The following GNA13 variants were observed in gnomAD, a reference collection of about 807,000 sequenced individuals.
GNA13 encodes guanine nucleotide-binding protein subunit alpha-13.
In GNA13, 4 loss-of-function variants were observed where a neutral mutation model predicts 33.5. That is an observed-to-expected ratio of 0.12 (90% CI 0.06 to 0.27). The LOEUF is 0.27. Ranked by LOEUF, GNA13 falls within the 10% of genes least tolerant of loss-of-function variation. The pLI is 1.00. For synonymous variants in GNA13, 176 were observed against 183.8 expected (o/e 0.96, Z 0.34); for missense variants, 319 against 487.2 (o/e 0.65, Z 3.25).
At chr17:65,027,533 T>C (rs775934974) in intron 2 of GNA13, among the ~76,000 whole-genome samples, 21 of 152,222 alleles carry the variant, frequency 1.4e-4, no homozygotes, top group Non-Finnish European at 2.5e-4. Flanking sequence ...TGAGTCATTT[T>C]CTACCTCATA....
chr17:65,013,251 C>T lies in GNA13; in HGVS notation c.*1006G>A, dbSNP rs914407078. The T allele has an allele frequency of 7.7e-5, 16 of 209,094 alleles. No individual in the cohort carries two copies. Among genetic ancestry groups the T allele is most frequent in the African/African-American group, 2.9e-4 (13 of 44,100 alleles). 13.0% of individuals were successfully genotyped at this position (209,094 alleles called of 1,614,324 possible). A position where few individuals can be genotyped will look rare whatever the true frequency, so the allele number is the denominator to read the frequency against. On this transcript the variant is annotated 3_prime_UTR_variant, in exon 4 of 4. Transcript: ENST00000439174. Reference sequence around the variant, plus strand: ...ACTCCAAATAAACAAAACGATGCCACAAATGGCACAGTGTGGAGTTGATGG... The same window carrying T: ...ACTCCAAATAAACAAAACGATGCCATAAATGGCACAGTGTGGAGTTGATGG...
chr17:65,056,393 C>A lies in GNA13; in HGVS notation c.201G>T (p.Gln67His), dbSNP rs1908061421. ...AGTCCTGCCCGTGGATGATCCGCAT[C>A]TGCTTCAGGAAGGTGGACTTGCCGC... ...GESGKSTFLK[Q>H]MRIIHGQDFD... The change falls in exon 1 of 4, where the codon CAG (glutamine) becomes CAT (histidine). Residue 67 changes from glutamine (Q) to histidine (H), a missense_variant. Around this residue, in one of 4 missense-constraint regions of GNA13, gnomAD observed 2 missense variants for 21.8 expected, o/e 0.09. Transcript: ENST00000439174. The A allele has an allele frequency of 6.2e-7, 1 of 1,613,644 alleles. No individual in the cohort carries two copies.
chr17:65,055,072 C>CG (rs1217740924), intron 1 of GNA13, among the ~76,000 whole-genome samples: 29 of 32,366 alleles, frequency 9.0e-4, no homozygotes, highest in Admixed American at 6.1e-3. Flanking sequence ...GGGGAGGGGG[C>CG]GGGGGGGTGA....
chr17:65,053,762 G>T, intron 1 of GNA13, 34 bp from the exon 2 acceptor site: 1 of 1,281,992 alleles, frequency 7.8e-7, no homozygotes, highest in Non-Finnish European at 1.1e-6. Flanking sequence ...AATGTATGGA[G>T]AGGAGTCATT....
At chr17:65,040,324 C>G (rs1907407991) in intron 2 of GNA13, among the ~76,000 whole-genome samples, 2 of 152,138 alleles carry the variant, frequency 1.3e-5, no homozygotes, top group Admixed American at 6.5e-5. Context: ...GTTTAAAGTC[C>G]CTACCATGTT....
At chr17:65,015,406 T>C (rs1906327280) in intron 3 of GNA13, among the ~76,000 whole-genome samples, 2 of 152,056 alleles carry the variant, frequency 1.3e-5, no homozygotes, top group African/African-American at 2.4e-5. Flanking sequence ...CTCACGCTTG[T>C]AATTCCAGCA....
chr17:65,046,069 T>G (rs752140212), intron 2 of GNA13, among the ~76,000 whole-genome samples: 5 of 152,230 alleles, frequency 3.3e-5, no homozygotes, highest in Non-Finnish European at 7.3e-5. Context: ...AGTCTCCATT[T>G]TTTAATCTGT....
chr17:65,032,192 G>A (rs1907073035), intron 2 of GNA13, among the ~76,000 whole-genome samples: 1 of 152,104 alleles, frequency 6.6e-6, no homozygotes, highest in Admixed American at 6.6e-5. Flanking sequence ...AAACTCTGGG[G>A]TTAAGGCTGG....
intron 1 of GNA13, 56 bp downstream of exon 1, chr17:65,056,255 G>GCCCCCCCCCCCCCCCCCCC: frequency 2.0e-6 from 1 of 508,074 alleles, no homozygotes; most frequent in Non-Finnish European, 3.5e-6. Flanking sequence ...CCCCGCACCC[G>GCCCCCCCCCCCCCCCCCCC]CCGCCGCCCC....
intron 3 of GNA13, among the ~76,000 whole-genome samples, chr17:65,015,444 C>T (rs1906328870): frequency 6.6e-6 from 1 of 151,862 alleles, no homozygotes; most frequent in South Asian, 2.1e-4. Context: ...GGGCAGATCA[C>T]GAGGTCAGGA....
intron 2 of GNA13, among the ~76,000 whole-genome samples, chr17:65,024,900 T>C (rs952295143): frequency 4.6e-5 from 7 of 152,226 alleles, no homozygotes; most frequent in African/African-American, 1.7e-4. Context: ...TTTTGTTTTC[T>C]TGAGATAGGG....
At chr17:65,027,523 T>C (rs1386860479) in intron 2 of GNA13, among the ~76,000 whole-genome samples, 2 of 152,196 alleles carry the variant, frequency 1.3e-5, no homozygotes, top group Non-Finnish European at 2.9e-5. Flanking sequence ...TCCTATGGCA[T>C]GAGTCATTTT....
rs76709129 is a variant in GNA13 at position 65,040,108 on chromosome 17, C to T, written c.510+13394G>A. Among the ~76,000 whole-genome samples the T allele has an allele frequency of 3.1e-3, 467 of 151,596 alleles. 15 individuals are homozygous for T. In the East Asian group the frequency reaches 0.079, roughly 26 times the overall value. ...AATACTTTTTCAAAAAAAAAAGACACAGTAAGGCCAACTGTGCAAAATACT... is the reference window on the plus strand; with the variant it reads ...AATACTTTTTCAAAAAAAAAAGACATAGTAAGGCCAACTGTGCAAAATACT... On this transcript the variant is annotated intron_variant, in intron 2 of 3. Coordinates refer to ENST00000439174, the MANE Select transcript of GNA13 (RefSeq NM_006572.6).
chr17:65,012,716 G>A lies in GNA13; in HGVS notation c.*1541C>T, dbSNP rs1273803294. 1 of 227,182 alleles carries A rather than the reference G, an allele frequency of 4.4e-6. No homozygotes were observed. Among genetic ancestry groups the A allele is most frequent in the African/African-American group, 2.2e-5 (1 of 44,942 alleles). The allele number at this position is 227,182 out of a possible 1,614,324, so 14.1% of individuals were successfully genotyped here. On this transcript the variant is annotated 3_prime_UTR_variant, in exon 4 of 4. Transcript: ENST00000439174. ...TTGGAAAGGCTGGGTGATCCATAACGACCAATCTTTCAAGGACCAATAAAA... is the reference window on the plus strand; with the variant it reads ...TTGGAAAGGCTGGGTGATCCATAACAACCAATCTTTCAAGGACCAATAAAA...
At position 65,031,921 on chromosome 17, in the gene GNA13, A is replaced by AGTGTGT. The variant is rs148637639; in HGVS notation, c.511-13624_511-13619dup. Among the ~76,000 whole-genome samples the AGTGTGT allele has an allele frequency of 1.2e-3, 112 of 91,706 alleles. 1 individual carries two copies. The highest frequency in any genetic ancestry group is 4.0e-3 in the African/African-American group (83 of 20,516). The allele number at this position is 91,706 out of a possible 152,430, so 60.2% of individuals were successfully genotyped here. A position where few individuals can be genotyped will look rare whatever the true frequency, so the allele number is the denominator to read the frequency against. ...AAGAGAGAGAGAGAGAGAGAGAGAG[A>AGTGTGT]GTGTGTGTGTGTGTGTGTGTGTGTG... On this transcript the variant is annotated intron_variant, in intron 2 of 3. Transcript: ENST00000439174.
chr17:65,034,114 T>C (rs1020120330), intron 2 of GNA13, among the ~76,000 whole-genome samples: 1 of 151,396 alleles, frequency 6.6e-6, no homozygotes, highest in Non-Finnish European at 1.5e-5. Flanking sequence ...AAACTAAGTA[T>C]CTTTCCAGAC....
intron 3 of GNA13, among the ~76,000 whole-genome samples, chr17:65,015,217 A>G (rs16962890): frequency 6.6e-6 from 1 of 152,224 alleles, no homozygotes; most frequent in African/African-American, 2.4e-5. Flanking sequence ...TCAAAATTTA[A>G]GCTGAAGTCT....
intron 2 of GNA13, among the ~76,000 whole-genome samples, chr17:65,027,837 G>C (rs1906849700): frequency 6.6e-6 from 1 of 152,168 alleles, no homozygotes. Context: ...GGGCGTGGTG[G>C]CTCATGCCTG....
intron 2 of GNA13, among the ~76,000 whole-genome samples, chr17:65,048,621 A>G (rs1907753949): frequency 6.6e-6 from 1 of 152,270 alleles, no homozygotes; most frequent in South Asian, 2.1e-4. Context: ...TAACCAAAAA[A>G]GGAAATGTTT....
Sources: gnomAD v4.1 joint callset for allele counts (sites outside exome capture counted in the v4.1 genomes callset) on GRCh38, gnomAD v4.1.1 for gene constraint, gnomAD v4.1.1 regional missense constraint, MANE v1.5 for transcripts, NCBI Gene and HGNC (gene_info 2026-07-23, HGNC 2026-07-21) for gene names.